The following PI4KA variants were observed in gnomAD, a reference collection of about 807,000 sequenced individuals.
PI4KA encodes the protein PI4-kinase alpha.
In PI4KA, 122 loss-of-function variants were observed where a neutral mutation model predicts 271.4. The observed-to-expected ratio is 0.45, with a 90% confidence interval of 0.39 to 0.52. The LOEUF is 0.52. Ranked by LOEUF, PI4KA falls within the 20% of genes least tolerant of loss-of-function variation. The pLI, the probability that PI4KA is intolerant of heterozygous loss-of-function variation, is 0.00. For missense variants in PI4KA, 1,969 were observed against 2,769.1 expected (o/e 0.71, Z 6.48); for synonymous variants, 1,041 against 1,078.8 (o/e 0.96, Z 0.69).
intron 16 of PI4KA, 119 bp downstream of exon 16, chr22:20,798,974 T>C: frequency 1.2e-6 from 1 of 802,562 alleles, no homozygotes. Context: ...ATTAAAACCG[T>C]TGTCAGCATT....
intron 14 of PI4KA, among the ~76,000 whole-genome samples, chr22:20,801,190 T>C (rs2147600176): frequency 6.6e-6 from 1 of 151,458 alleles, no homozygotes; most frequent in East Asian, 2.0e-4. Context: ...ACACCAGGCC[T>C]CTTATTATGT....
chr22:20,785,787 A>G (rs575876461), intron 19 of PI4KA, among the ~76,000 whole-genome samples: 1 of 152,352 alleles, frequency 6.6e-6, no homozygotes, highest in East Asian at 1.9e-4. Context: ...CAAGGAAATA[A>G]TCATGCAACA....
chr22:20,713,330 T>C lies in PI4KA; in HGVS notation c.5522A>G (p.Lys1841Arg). 7 of 1,600,332 alleles carry C rather than the reference T, an allele frequency of 4.4e-6. No homozygotes were observed. The highest frequency in any genetic ancestry group is 5.1e-6 in the Non-Finnish European group (6 of 1,172,610). The change falls in exon 48 of 55, where the codon AAG (lysine) becomes AGG (arginine). Residue 1841 changes from lysine to arginine, a missense_variant. By Grantham distance (26) the Lys-to-Arg change is conservative. This residue lies in a region of PI4KA where 388 missense variants were observed against 521.5 expected (regional missense o/e 0.74). Transcript: ENST00000255882. ...GAAGATGGCTGCCTGCCAGGAGATC[T>C]TCTGGCCGTCGGCCTCCTGCGTGCT... ...ECSTQEADGQ[K>R]ISWQAAIFKV...
At chr22:20,829,582 C>CT (rs34438790) in intron 3 of PI4KA, among the ~76,000 whole-genome samples, 55,989 of 146,254 alleles carry the variant, frequency 0.38, 10,875 homozygotes, top group African/African-American at 0.47. Flanking sequence ...AGCTAGTGAT[C>CT]TTTTTTTTTT....
At chr22:20,747,809 A>G in intron 28 of PI4KA, 107 bp from the exon 29 acceptor site, 1 of 1,076,082 alleles carries the variant, frequency 9.3e-7, no homozygotes, top group Middle Eastern at 2.8e-4. Flanking sequence ...ATCATGGCTC[A>G]TTGCAGCCTC....
At chr22:20,714,555 C>T (rs935929829) in intron 46 of PI4KA, 27 bp from the exon 47 acceptor site, 11 of 1,613,802 alleles carry the variant, frequency 6.8e-6, no homozygotes, top group Non-Finnish European at 9.3e-6. Context: ...GAATGTGGCA[C>T]CCATGATGCA....
intron 3 of PI4KA, among the ~76,000 whole-genome samples, chr22:20,831,804 T>C (rs1475386201): frequency 6.6e-6 from 1 of 152,162 alleles, no homozygotes; most frequent in Non-Finnish European, 1.5e-5. Context: ...GCCTTGGGGA[T>C]GGTCTTCTTG....
At chr22:20,825,277 C>T (rs1189702992) in intron 3 of PI4KA, among the ~76,000 whole-genome samples, 1 of 152,000 alleles carries the variant, frequency 6.6e-6, no homozygotes, top group Non-Finnish European at 1.5e-5. Flanking sequence ...AGTAATGATG[C>T]TCTATTTAAT....
intron 36 of PI4KA, among the ~76,000 whole-genome samples, chr22:20,730,253 C>T (rs952730654): frequency 1.3e-5 from 2 of 148,368 alleles, no homozygotes; most frequent in Non-Finnish European, 3.0e-5. Context: ...TTCTTTTAAC[C>T]TTTTCAAAAT....
intron 23 of PI4KA, among the ~76,000 whole-genome samples, chr22:20,756,893 T>G (rs1408901654): frequency 6.6e-6 from 1 of 152,204 alleles, no homozygotes; most frequent in Non-Finnish European, 1.5e-5. Flanking sequence ...GCTCCCAAAG[T>G]GCTGAGATTA....
At chr22:20,826,984 G>A (rs941017444) in intron 3 of PI4KA, among the ~76,000 whole-genome samples, 2 of 151,980 alleles carry the variant, frequency 1.3e-5, no homozygotes, top group African/African-American at 2.4e-5. Context: ...CTTTCATTCA[G>A]TAGGGTGGCT....
Position 20,786,046 on chromosome 22 carries a change from C to T in PI4KA, c.2328+7147G>A, listed in dbSNP as rs536285593. 2.5e-6 allele frequency: 4 copies of T among 1,614,158 alleles called. No individual in the cohort carries two copies. The South Asian group carries it at 4.4e-5, about 18-fold the overall frequency. ...TGCCGAAATTCAAGCTGGAGAAGAACTACAATCTAGTGGAGTCCCTGAAGT... is the reference window on the plus strand; with the variant it reads ...TGCCGAAATTCAAGCTGGAGAAGAATTACAATCTAGTGGAGTCCCTGAAGT... On this transcript the variant is annotated intron_variant, in intron 19 of 54. Transcript: ENST00000255882.
chr22:20,750,816 A>T (rs960319834), intron 27 of PI4KA, among the ~76,000 whole-genome samples: 21 of 152,160 alleles, frequency 1.4e-4, no homozygotes, highest in African/African-American at 5.1e-4. Flanking sequence ...AGTTGGGGAG[A>T]GGAGAGACCC....
chr22:20,723,893 C>A (rs1418190204), intron 42 of PI4KA, among the ~76,000 whole-genome samples: 1 of 151,722 alleles, frequency 6.6e-6, no homozygotes, highest in African/African-American at 2.4e-5. Flanking sequence ...GGCTGGAGAG[C>A]AGTGGCATGA....
intron 1 of PI4KA, among the ~76,000 whole-genome samples, chr22:20,849,717 A>G (rs1367607364): frequency 2.0e-5 from 3 of 151,996 alleles, no homozygotes; most frequent in African/African-American, 7.2e-5. Context: ...AGCCGGGCGC[A>G]GTGGCGGGCG....
At chr22:20,717,317 G>A (rs2147189489) in intron 45 of PI4KA, among the ~76,000 whole-genome samples, 1 of 152,274 alleles carries the variant, frequency 6.6e-6, no homozygotes, top group East Asian at 1.9e-4. Context: ...AGGCGGTGGG[G>A]GGGTGGTGCT....
At position 20,765,169 on chromosome 22, in the gene PI4KA, A is replaced by G; in HGVS notation, c.2505T>C (p.Phe835=). The G allele has an allele frequency of 6.2e-7, 1 of 1,613,386 alleles. No individual in the cohort carries two copies. The highest frequency in any genetic ancestry group is 8.5e-7 in the Non-Finnish European group (1 of 1,179,402). ...EIATKSPLLT[F]PSKEPLRSVL... is the part of the protein sequence containing the mutation. ...CGGACCGCAGTGGCTCCTTGCTGGGAAAGGTGAGCAAGGGGGACTTAGTGG... is the reference window on the plus strand; with the variant it reads ...CGGACCGCAGTGGCTCCTTGCTGGGGAAGGTGAGCAAGGGGGACTTAGTGG... The change falls in exon 21 of 55, where the codon TTT becomes TTC. Residue 835 remains phenylalanine (F), a synonymous_variant. Transcript: ENST00000255882.
intron 42 of PI4KA, chr22:20,725,470 TG>T (rs1238054312): frequency 2.3e-6 from 1 of 429,200 alleles, no homozygotes; most frequent in Admixed American, 2.5e-5. Flanking sequence ...TTTATAGAGA[TG>T]ATTAAGGTAA....
At chr22:20,806,826 G>T (rs1049876441) in intron 10 of PI4KA, among the ~76,000 whole-genome samples, 6 of 151,926 alleles carry the variant, frequency 3.9e-5, no homozygotes, top group Admixed American at 1.3e-4. Context: ...CGCCTCCCAA[G>T]TTCAAGCGAT....
Sources: gnomAD v4.1 joint callset for allele counts (sites outside exome capture counted in the v4.1 genomes callset) on GRCh38, gnomAD v4.1.1 for gene constraint, gnomAD v4.1.1 regional missense constraint, MANE v1.5 for transcripts, NCBI Gene and HGNC (gene_info 2026-07-23, HGNC 2026-07-21) for gene names.